Variants in PEAK1 observed in about 807,000 individuals in gnomAD.
The protein encoded by PEAK1 is inactive tyrosine-protein kinase PEAK1.
In PEAK1, 54 loss-of-function variants were observed where a neutral mutation model predicts 124.7. That is an observed-to-expected ratio of 0.43 (90% CI 0.35 to 0.54). PEAK1 has a LOEUF of 0.54. Ranked by LOEUF, PEAK1 falls within the 20% of genes least tolerant of loss-of-function variation. PEAK1 has a pLI of 0.01. For synonymous variants in PEAK1, 719 were observed against 760.0 expected, an observed-to-expected ratio of 0.95 and a Z score of 0.89; for missense variants, 2,046 against 2,134.5, an observed-to-expected ratio of 0.96 and a Z score of 0.82.
intron 5 of PEAK1, among the ~76,000 whole-genome samples, chr15:77,273,828 C>A (rs773541854): frequency 6.6e-6 from 1 of 152,048 alleles, no homozygotes; most frequent in Non-Finnish European, 1.5e-5. Context: ...CAAAGCAAGA[C>A]TAAGCAAAAA....
At chr15:77,143,561 C>T (rs188993879) in intron 8 of PEAK1, among the ~76,000 whole-genome samples, 1 of 152,292 alleles carries the variant, frequency 6.6e-6, no homozygotes, top group Non-Finnish European at 1.5e-5. Flanking sequence ...GTCAGAGCCA[C>T]CAAACTACTT....
intron 2 of PEAK1, among the ~76,000 whole-genome samples, chr15:77,291,794 G>A (rs778283000): frequency 3.3e-5 from 5 of 151,926 alleles, no homozygotes; most frequent in Non-Finnish European, 7.4e-5. Flanking sequence ...TGGCTAACAC[G>A]GTGAAACCCC....
chr15:77,144,881 ATTTTAAAC>A (rs1405639716), intron 8 of PEAK1, among the ~76,000 whole-genome samples: 1 of 152,112 alleles, frequency 6.6e-6, no homozygotes, highest in Non-Finnish European at 1.5e-5. Context: ...AGCTGTTTTT[ATTTTAAAC>A]TTTTAATCCT....
intron 7 of PEAK1, among the ~76,000 whole-genome samples, chr15:77,169,797 G>A (rs2056378986): frequency 6.6e-6 from 1 of 152,150 alleles, no homozygotes; most frequent in African/African-American, 2.4e-5. Flanking sequence ...TGGGGGTGAA[G>A]GAAACAGAAG....
rs2066935011 is a variant in PEAK1 at position 77,347,458 on chromosome 15, TCAAC to T, written c.-603+17701_-603+17704del. The T allele has an allele frequency of 4.1e-6, 4 of 985,154 alleles. No individual in the cohort carries two copies. The African/African-American group carries it at 7.0e-5, about 17-fold the overall frequency. 61.0% of individuals were successfully genotyped at this position (985,154 alleles called of 1,614,324 possible). The stretch of plus-strand genomic sequence containing the variant: ...AAAAGCAATATTGTTCTAGATAAGA[TCAAC>T]ATCTAGGGCTGGCACACCTGGACAA... On this transcript the variant is annotated intron_variant, in intron 2 of 9. Coordinates refer to ENST00000682557, the MANE Select transcript of PEAK1 (RefSeq NM_001385026.1).
At chr15:77,334,125 T>A in intron 2 of PEAK1, 3 of 905,850 alleles carry the variant, frequency 3.3e-6, no homozygotes, top group Non-Finnish European at 2.6e-6. Flanking sequence ...CGTTTCTAAA[T>A]ACTTAAGAGA....
chr15:77,105,063 G>T (rs1473733927), downstream of PEAK1: 3 of 152,132 alleles, frequency 2.0e-5, no homozygotes, highest in East Asian at 5.8e-4. Flanking sequence ...CCCCAACCCT[G>T]GGCAAAGATG....
In PEAK1 at chr15:77,179,269, CA is replaced by C. The variant is rs1174176340; in HGVS notation, c.2657del (p.Leu886CysfsTer163). The C allele has an allele frequency of 6.2e-7, 1 of 1,614,026 alleles. No homozygotes were observed. Among genetic ancestry groups the C allele is most frequent in the Admixed American group, 1.7e-5 (1 of 60,012 alleles). ...TSSPYHAGNL[L>X]QRHFTNWTKP... ...TGGTCCAGTTGGTGAAATGCCTCTGCAAAAGGTTACCTGCATGGTAAGGAGA... is the reference window on the plus strand; with the variant it reads ...TGGTCCAGTTGGTGAAATGCCTCTGCAAAGGTTACCTGCATGGTAAGGAGA... On this transcript the variant is annotated frameshift_variant, in exon 7 of 10. Transcript: ENST00000682557. LOFTEE classifies it high-confidence loss of function.
intron 6 of PEAK1, among the ~76,000 whole-genome samples, chr15:77,200,575 A>G (rs933227305): frequency 1.3e-5 from 2 of 152,350 alleles, no homozygotes; most frequent in Middle Eastern, 6.8e-3. Flanking sequence ...CACTCTACTG[A>G]AAACCACCAA....
chr15:77,231,419 T>C (rs910214932), intron 6 of PEAK1, among the ~76,000 whole-genome samples: 1 of 152,174 alleles, frequency 6.6e-6, no homozygotes, highest in African/African-American at 2.4e-5. Context: ...CAAATTGAAT[T>C]TAATAAGAAA....
intron 2 of PEAK1, among the ~76,000 whole-genome samples, chr15:77,329,383 G>C (rs902021246): frequency 6.6e-5 from 10 of 152,130 alleles, no homozygotes; most frequent in African/African-American, 2.2e-4. Context: ...AGATAATTAA[G>C]GGTTTTGTTT....
Position 77,273,813 on chromosome 15 carries a change from G to A in PEAK1, c.-275+10070C>T, listed in dbSNP as rs529779096. Reference sequence around the variant, plus strand: ...CACATGGAACCAAAAAAGAGCCCACGTAGCCAAAGCAAGACTAAGCAAAAA... The same window carrying A: ...CACATGGAACCAAAAAAGAGCCCACATAGCCAAAGCAAGACTAAGCAAAAA... On this transcript the variant is annotated intron_variant, in intron 5 of 9. Coordinates refer to ENST00000682557, the MANE Select transcript of PEAK1 (RefSeq NM_001385026.1). Among the ~76,000 whole-genome samples the A allele has an allele frequency of 1.2e-3, 182 of 152,030 alleles. 2 individuals are homozygous for A. The highest frequency in any genetic ancestry group is 2.2e-3 in the Non-Finnish European group (151 of 67,920).
intron 8 of PEAK1, among the ~76,000 whole-genome samples, chr15:77,135,772 A>G (rs1455356997): frequency 3.9e-5 from 6 of 152,128 alleles, no homozygotes; most frequent in Admixed American, 2.0e-4. Flanking sequence ...CCATCCACAT[A>G]CGATGTGACT....
At chr15:77,285,314 G>A (rs568138114) in intron 3 of PEAK1, among the ~76,000 whole-genome samples, 38 of 152,220 alleles carry the variant, frequency 2.5e-4, no homozygotes, top group African/African-American at 8.7e-4. Context: ...GCTTATAAAC[G>A]TTAGTTCCCA....
intron 2 of PEAK1, among the ~76,000 whole-genome samples, chr15:77,318,572 T>A (rs1023020426): frequency 2.0e-5 from 3 of 152,198 alleles, no homozygotes; most frequent in Middle Eastern, 6.8e-3. Context: ...ACTGGAGGTA[T>A]GTGAACAGAG....
At chr15:77,332,379 C>T (rs1255748300) in intron 2 of PEAK1, 2 of 465,464 alleles carry the variant, frequency 4.3e-6, no homozygotes, top group Non-Finnish European at 5.6e-6. Context: ...AGGGGCAGAT[C>T]ACGAGGTCAG....
chr15:77,145,988 A>G (rs2054149757), intron 8 of PEAK1, among the ~76,000 whole-genome samples: 1 of 152,208 alleles, frequency 6.6e-6, no homozygotes, highest in Admixed American at 6.5e-5. Flanking sequence ...TATTTAAACT[A>G]TAATTTCAAT....
chr15:77,201,404 T>A (rs1198729270), intron 6 of PEAK1, among the ~76,000 whole-genome samples: 1 of 151,282 alleles, frequency 6.6e-6, no homozygotes, highest in African/African-American at 2.4e-5. Flanking sequence ...CACCTGGCTA[T>A]TTTTTTTGTA....
chr15:77,142,659 TAAAACATGGAAAAACCTTG>T (rs1285530553), intron 8 of PEAK1, among the ~76,000 whole-genome samples: 3 of 152,288 alleles, frequency 2.0e-5, no homozygotes, highest in South Asian at 2.1e-4. Context: ...GTATGTATGC[TAAAACATGGAAAAACCTTG>T]AAAACATGGA....
Sources: allele counts gnomAD v4.1 joint callset (sites outside exome capture counted in the v4.1 genomes callset), GRCh38; gene constraint gnomAD v4.1.1; transcripts MANE v1.5; gene names NCBI Gene and HGNC (gene_info 2026-07-23, HGNC 2026-07-21).